Variants in GALNTL5 observed in about 807,000 individuals in gnomAD.
GALNTL5 encodes polypeptide N-acetylgalactosaminyltransferase like 5.
GALNTL5 carries 44 observed loss-of-function variants against 51.0 expected under a neutral mutation model. That is an observed-to-expected ratio of 0.86 (90% CI 0.68 to 1.11). The LOEUF is 1.11. GALNTL5 is among the 50% of genes least tolerant of loss of function. The pLI is 0.00. For missense variants in GALNTL5, 528 were observed against 531.8 expected (o/e 0.99, Z 0.07); for synonymous variants, 192 against 182.8 (o/e 1.05, Z -0.41).
In GALNTL5 at chr7:152,014,842, G is replaced by A. The variant is rs376190958; in HGVS notation, c.1176+49G>A. On this transcript the variant is annotated intron_variant, in intron 8 of 8. Coordinates refer to ENST00000392800, the MANE Select transcript of GALNTL5 (RefSeq NM_145292.4). ...GAAAATGTATGCGAGGCCGGAGCAG[G>A]ACTTGTTCTGAGGAAGCCTGCTGCT... 6.9e-5 allele frequency: 106 copies of A among 1,529,388 alleles called. No homozygotes were observed. In the African/African-American group the frequency reaches 1.2e-3, roughly 17 times the overall value. 94.7% of individuals were successfully genotyped at this position (1,529,388 alleles called of 1,614,324 possible). A position where few individuals can be genotyped will look rare whatever the true frequency, so the allele number is the denominator to read the frequency against.
chr7:152,000,125 G>A (rs906260335), intron 5 of GALNTL5, among the ~76,000 whole-genome samples: 1 of 152,186 alleles, frequency 6.6e-6, no homozygotes, highest in Non-Finnish European at 1.5e-5. Context: ...AAAATCAAAA[G>A]GATAAAAAGA....
chr7:152,003,491 A>T (rs907620669), intron 6 of GALNTL5, among the ~76,000 whole-genome samples: 9 of 152,216 alleles, frequency 5.9e-5, no homozygotes, highest in Non-Finnish European at 1.3e-4. Flanking sequence ...TTAAACAGTG[A>T]TAGTAATAAT....
chr7:151,964,632 G>A (rs1447557625), intron 1 of GALNTL5, among the ~76,000 whole-genome samples: 4 of 152,098 alleles, frequency 2.6e-5, no homozygotes, highest in African/African-American at 9.7e-5. Flanking sequence ...CCCTTTTCCT[G>A]TATAAATTAC....
intron 5 of GALNTL5, among the ~76,000 whole-genome samples, chr7:151,995,870 A>G (rs2081493311): frequency 6.6e-6 from 1 of 152,196 alleles, no homozygotes; most frequent in East Asian, 1.9e-4. Context: ...TCAGCCTTTT[A>G]TCCCAGTTAA....
chr7:151,980,682 A>G (rs11763523), intron 3 of GALNTL5, among the ~76,000 whole-genome samples: 1 of 150,252 alleles, frequency 6.7e-6, no homozygotes, highest in South Asian at 2.1e-4. Flanking sequence ...TTGCCTGCCC[A>G]GCACTCCTTT....
intron 8 of GALNTL5, among the ~76,000 whole-genome samples, chr7:152,017,035 T>C (rs1307509576): frequency 1.6e-5 from 2 of 124,984 alleles, no homozygotes; most frequent in African/African-American, 5.9e-5. Context: ...CAAAGCTCCA[T>C]CTCAAAAAAA....
At chr7:152,003,017 G>T (rs1207362080) in intron 6 of GALNTL5, 54 bp downstream of exon 6, 9 of 1,495,574 alleles carry the variant, frequency 6.0e-6, no homozygotes, top group Non-Finnish European at 8.2e-6. Context: ...TGAGACCCAG[G>T]GGGAAAAAGC....
intron 6 of GALNTL5, among the ~76,000 whole-genome samples, chr7:152,003,174 T>A (rs2081604422): frequency 6.6e-6 from 1 of 152,234 alleles, no homozygotes; most frequent in African/African-American, 2.4e-5. Context: ...TATCTTCATA[T>A]CATCTATAAC....
rs1563027891 is a variant in GALNTL5, at chr7:152,014,706, GAAAC to G, written c.1094_1097del (p.Gln365LeufsTer11). On this transcript the variant is annotated frameshift_variant, in exon 8 of 9. Transcript: ENST00000392800. LOFTEE classifies it high-confidence loss of function. ...GCTCTCGAGTAGGACATATCAGTAAGAAACAAACTGGAAAACCTTCTACAATCAT... is the reference window on the plus strand; with the variant it reads ...GCTCTCGAGTAGGACATATCAGTAAGAAACTGGAAAACCTTCTACAATCAT... 1 of 1,614,040 alleles carries G rather than the reference GAAAC, an allele frequency of 6.2e-7. No individual in the cohort carries two copies. The highest frequency in any genetic ancestry group is 1.1e-5 in the South Asian group (1 of 91,054).
At position 151,982,881 on chromosome 7, in the gene GALNTL5, G is replaced by A. The variant is rs1308736800; in HGVS notation, c.369-105G>A. 3.1e-6 allele frequency: 5 copies of A among 1,599,194 alleles called. No individual in the cohort carries two copies. The African/African-American group carries it at 6.7e-5, about 21-fold the overall frequency. Reference sequence around the variant, plus strand: ...ATTACCATAATTATCAGTTGAAGGAGTAAAGAGTCAAAAAGATGCAAATAA... The same window carrying A: ...ATTACCATAATTATCAGTTGAAGGAATAAAGAGTCAAAAAGATGCAAATAA... On this transcript the variant is annotated intron_variant, in intron 3 of 8. Transcript: ENST00000392800.
chr7:152,006,747 T>C (rs2081649030), intron 6 of GALNTL5, among the ~76,000 whole-genome samples: 1 of 152,144 alleles, frequency 6.6e-6, no homozygotes, highest in Non-Finnish European at 1.5e-5. Flanking sequence ...AACAAATGAA[T>C]GTAAACTTGT....
chr7:152,012,874 T>C (rs1267953514), intron 7 of GALNTL5, among the ~76,000 whole-genome samples: 3 of 152,018 alleles, frequency 2.0e-5, no homozygotes, highest in African/African-American at 7.2e-5. Flanking sequence ...GGCTTAGGCA[T>C]GAGAATCGCT....
intron 5 of GALNTL5, among the ~76,000 whole-genome samples, chr7:152,002,098 G>A (rs768199200): frequency 7.9e-5 from 12 of 152,028 alleles, no homozygotes; most frequent in Admixed American, 2.0e-4. Context: ...TGGCCAACAC[G>A]GTGAAACCCC....
At chr7:151,960,997 G>A (rs1288138996) in intron 1 of GALNTL5, among the ~76,000 whole-genome samples, 1 of 152,314 alleles carries the variant, frequency 6.6e-6, no homozygotes, top group East Asian at 1.9e-4. Flanking sequence ...CAATGTATAT[G>A]CAAGCCAGTT....
chr7:152,003,265 G>T (rs2081605461), intron 6 of GALNTL5, among the ~76,000 whole-genome samples: 1 of 152,106 alleles, frequency 6.6e-6, no homozygotes, highest in Admixed American at 6.6e-5. Context: ...TTGACTAAAA[G>T]CTCAAGTCAA....
chr7:151,979,522 G>A (rs62479994), intron 3 of GALNTL5, among the ~76,000 whole-genome samples: 55,548 of 147,564 alleles, frequency 0.38, 11,208 homozygotes, highest in Middle Eastern at 0.52. Flanking sequence ...TGCAATGGCA[G>A]GATCTTGGCT....
chr7:151,969,102 C>A (rs541097234), intron 2 of GALNTL5, among the ~76,000 whole-genome samples: 1 of 152,122 alleles, frequency 6.6e-6, no homozygotes, highest in Non-Finnish European at 1.5e-5. Flanking sequence ...TCAAAAAGCA[C>A]AATTTTACAT....
At position 152,007,798 on chromosome 7, in the gene GALNTL5, T is replaced by C. The variant is rs539393388; in HGVS notation, c.909-29T>C. On this transcript the variant is annotated intron_variant, in intron 6 of 8. Transcript: ENST00000392800. ...CTACAGAATGACTTTCTCTGTGAAA[T>C]TAATTTCATATTTATGTCCCCTTTC... The C allele has an allele frequency of 1.3e-5, 16 of 1,187,158 alleles. No homozygotes were observed. In the East Asian group the frequency reaches 3.0e-4, roughly 22 times the overall value. The allele number at this position is 1,187,158 out of a possible 1,614,324, so 73.5% of individuals were successfully genotyped here. A position where few individuals can be genotyped will look rare whatever the true frequency, so the allele number is the denominator to read the frequency against.
chr7:151,977,468 A>G (rs915001777), intron 3 of GALNTL5, among the ~76,000 whole-genome samples: 1 of 152,172 alleles, frequency 6.6e-6, no homozygotes, highest in African/African-American at 2.4e-5. Flanking sequence ...TAAAGTAACA[A>G]TTCATCTCTG....
Sources: gnomAD v4.1 joint callset for allele counts (sites outside exome capture counted in the v4.1 genomes callset) on GRCh38, gnomAD v4.1.1 for gene constraint, MANE v1.5 for transcripts, NCBI Gene and HGNC (gene_info 2026-07-23, HGNC 2026-07-21) for gene names.